The following RBMS1 variants were observed in gnomAD, a reference collection of about 807,000 sequenced individuals.
RBMS1 encodes the protein RNA-binding motif, single-stranded-interacting protein 1.
In RBMS1, 17 loss-of-function variants were observed where a neutral mutation model predicts 62.3. That is an observed-to-expected ratio of 0.27 (90% CI 0.19 to 0.41). The LOEUF (loss-of-function observed/expected upper bound fraction) is 0.41. RBMS1 is among the 10% of genes least tolerant of loss of function. The pLI, the probability that RBMS1 is intolerant of heterozygous loss-of-function variation, is 1.00. For synonymous variants in RBMS1, 172 were observed against 170.0 expected, an observed-to-expected ratio of 1.01 and a Z score of -0.09; for missense variants, 334 against 504.5, an observed-to-expected ratio of 0.66 and a Z score of 3.24.
At chr2:160,327,718 G>A (rs929513944) in intron 2 of RBMS1, among the ~76,000 whole-genome samples, 6 of 152,060 alleles carry the variant, frequency 3.9e-5, no homozygotes, top group Non-Finnish European at 5.9e-5. Flanking sequence ...TAGTGCTCCC[G>A]AGTACTAACA....
At chr2:160,359,362 CTCTT>C (rs1465504409) in intron 2 of RBMS1, among the ~76,000 whole-genome samples, 1 of 152,084 alleles carries the variant, frequency 6.6e-6, no homozygotes, top group African/African-American at 2.4e-5. Flanking sequence ...GCATGTGTGT[CTCTT>C]TCTTTCTAAA....
intron 1 of RBMS1, among the ~76,000 whole-genome samples, chr2:160,444,314 T>G (rs913103727): frequency 6.6e-6 from 1 of 152,230 alleles, no homozygotes; most frequent in Non-Finnish European, 1.5e-5. Context: ...CAAAAATCAT[T>G]TGATATGTAA....
At chr2:160,324,907 T>TATACACACAC (rs1321182985) in intron 2 of RBMS1, among the ~76,000 whole-genome samples, 5 of 106,810 alleles carry the variant, frequency 4.7e-5, no homozygotes, top group African/African-American at 2.1e-4. Context: ...TATATATATA[T>TATACACACAC]ACACACACAC....
At chr2:160,361,206 T>G in intron 2 of RBMS1, among the ~76,000 whole-genome samples, 1 of 152,242 alleles carries the variant, frequency 6.6e-6, no homozygotes, top group Non-Finnish European at 1.5e-5. Context: ...AATAAGTTAC[T>G]GCTACACTGA....
intron 1 of RBMS1, among the ~76,000 whole-genome samples, chr2:160,426,299 AAGG>A (rs1172886906): frequency 6.8e-5 from 2 of 29,508 alleles, no homozygotes; most frequent in Non-Finnish European, 1.6e-4. Flanking sequence ...GAAAAGAAAG[AAGG>A]AAGGAAGGAA....
chr2:160,362,447 G>A (rs1693179518), intron 2 of RBMS1, among the ~76,000 whole-genome samples: 1 of 152,166 alleles, frequency 6.6e-6, no homozygotes, highest in Non-Finnish European at 1.5e-5. Context: ...CCACTGCAGG[G>A]CTATTATTTG....
At chr2:160,396,763 C>T (rs1361231750) in intron 1 of RBMS1, among the ~76,000 whole-genome samples, 1 of 151,970 alleles carries the variant, frequency 6.6e-6, no homozygotes, top group Non-Finnish European at 1.5e-5. Context: ...CGGGGTTTCA[C>T]CATGTTGGTC....
intron 1 of RBMS1, among the ~76,000 whole-genome samples, chr2:160,455,014 CTCTT>C (rs1684158337): frequency 6.6e-6 from 1 of 152,198 alleles, no homozygotes. Context: ...GTAGCTGTCT[CTCTT>C]TCTCTGAATC....
At chr2:160,336,741 C>T (rs754548372) in intron 2 of RBMS1, among the ~76,000 whole-genome samples, 28 of 150,822 alleles carry the variant, frequency 1.9e-4, no homozygotes, top group Non-Finnish European at 3.7e-4. Flanking sequence ...ATACTGCCAG[C>T]GTATCTCTAT....
intron 2 of RBMS1, among the ~76,000 whole-genome samples, chr2:160,322,877 C>T (rs1690656699): frequency 6.6e-6 from 1 of 152,068 alleles, no homozygotes; most frequent in Admixed American, 6.6e-5. Context: ...GATGTCATGA[C>T]AAAAGAGCCA....
At chr2:160,405,286 G>C (rs952681063) in intron 1 of RBMS1, among the ~76,000 whole-genome samples, 8 of 150,660 alleles carry the variant, frequency 5.3e-5, no homozygotes, top group Non-Finnish European at 1.2e-4. Flanking sequence ...AATTAGCTGA[G>C]ATCAGCTCTA....
intron 1 of RBMS1, among the ~76,000 whole-genome samples, chr2:160,475,983 T>C (rs1004680048): frequency 2.6e-5 from 4 of 151,830 alleles, no homozygotes; most frequent in African/African-American, 7.3e-5. Context: ...CAGCCTGTCA[T>C]GTAGCTGGAA....
intron 10 of RBMS1, 125 bp downstream of exon 10, chr2:160,281,189 A>G (rs1049823517): frequency 1.6e-5 from 9 of 569,276 alleles, no homozygotes; most frequent in African/African-American, 1.4e-4. Context: ...GAAATTGTAC[A>G]TTCTCATATT....
At chr2:160,429,862 C>T (rs1315615297) in intron 1 of RBMS1, among the ~76,000 whole-genome samples, 1 of 152,236 alleles carries the variant, frequency 6.6e-6, no homozygotes, top group Non-Finnish European at 1.5e-5. Context: ...ACCTGTTTCA[C>T]CTCTCCTTGC....
At chr2:160,295,541 C>A (rs560013270) in intron 6 of RBMS1, among the ~76,000 whole-genome samples, 1 of 152,270 alleles carries the variant, frequency 6.6e-6, no homozygotes, top group African/African-American at 2.4e-5. Context: ...TTCTTGTGCT[C>A]CATTTGTAAC....
chr2:160,443,954 A>G (rs1361570100), intron 1 of RBMS1, among the ~76,000 whole-genome samples: 2 of 152,126 alleles, frequency 1.3e-5, no homozygotes, highest in Non-Finnish European at 1.5e-5. Flanking sequence ...GTTTCTGGTA[A>G]GATGTCAACT....
intron 2 of RBMS1, among the ~76,000 whole-genome samples, chr2:160,330,634 T>A (rs1394821706): frequency 6.6e-6 from 1 of 151,996 alleles, no homozygotes; most frequent in Non-Finnish European, 1.5e-5. Context: ...TTTTTTTGTT[T>A]GTTTGCTTTT....
chr2:160,398,315 T>G (rs1428647313), intron 1 of RBMS1, among the ~76,000 whole-genome samples: 2 of 152,184 alleles, frequency 1.3e-5, no homozygotes, highest in Non-Finnish European at 2.9e-5. Flanking sequence ...ATATTAAAGG[T>G]GACTGTATAA....
intron 4 of RBMS1, among the ~76,000 whole-genome samples, chr2:160,311,237 T>C (rs1470293265): frequency 7.5e-6 from 1 of 132,552 alleles, no homozygotes; most frequent in South Asian, 2.4e-4. Flanking sequence ...TCTATCTATA[T>C]ATATATATAT....
Sources: allele counts gnomAD v4.1 joint callset (sites outside exome capture counted in the v4.1 genomes callset), GRCh38; gene constraint gnomAD v4.1.1; transcripts MANE v1.5; gene names NCBI Gene and HGNC (gene_info 2026-07-23, HGNC 2026-07-21).